The following CLYBL variants were observed in gnomAD, a reference collection of about 807,000 sequenced individuals.
CLYBL encodes citramalyl-CoA lyase, mitochondrial.
Under a neutral mutation model 38.9 loss-of-function variants are expected in CLYBL, and 31 were observed. The observed-to-expected ratio is 0.80, with a 90% confidence interval of 0.60 to 1.08. The LOEUF (loss-of-function observed/expected upper bound fraction) is 1.08, where lower values mean the gene tolerates loss of function less well. Ranked by LOEUF, CLYBL falls within the 50% of genes least tolerant of loss-of-function variation. CLYBL has a pLI of 0.00. For missense variants in CLYBL, 434 were observed against 411.6 expected (o/e 1.05, Z -0.47); for synonymous variants, 171 against 158.6 (o/e 1.08, Z -0.59).
Position 99,881,362 on chromosome 13 carries a change from G to T in CLYBL, c.928-9956G>T, listed in dbSNP as rs114668310. ...ATCACTACAATTTAAAGTGTAAAAA[G>T]ATGAAAAACACGTTCTATACTTTCT... On this transcript the variant is annotated intron_variant, in intron 7 of 8. Coordinates refer to ENST00000339105, the MANE Select transcript of CLYBL (RefSeq NM_206808.5). Among the ~76,000 whole-genome samples, 396 of 152,232 alleles carry T rather than the reference G, an allele frequency of 2.6e-3. 1 individual carries two copies. Among genetic ancestry groups the T allele is most frequent in the African/African-American group, 9.0e-3 (372 of 41,540 alleles).
intron 1 of CLYBL, among the ~76,000 whole-genome samples, chr13:99,609,854 C>T (rs1199147036): frequency 1.3e-5 from 2 of 152,174 alleles, no homozygotes; most frequent in African/African-American, 4.8e-5. Context: ...TACTTTCTAT[C>T]TCTTCATTGA....
intron 2 of CLYBL, among the ~76,000 whole-genome samples, chr13:99,787,676 G>A (rs1332118581): frequency 5.9e-5 from 9 of 152,248 alleles, no homozygotes; most frequent in East Asian, 1.9e-4. Flanking sequence ...TTGACTTGGC[G>A]ATGCGGATTC....
chr13:99,662,043 C>T (rs1311007405), intron 1 of CLYBL, among the ~76,000 whole-genome samples: 3 of 152,118 alleles, frequency 2.0e-5, no homozygotes, highest in Non-Finnish European at 4.4e-5. Context: ...TATTGGGAGA[C>T]CAATCAGTGC....
intron 1 of CLYBL, among the ~76,000 whole-genome samples, chr13:99,684,846 A>G (rs560262071): frequency 9.2e-5 from 14 of 152,380 alleles, no homozygotes; most frequent in Admixed American, 3.3e-4. Flanking sequence ...ACTGTATTGT[A>G]TGTTCCTGTT....
At chr13:99,818,291 T>A (rs543654325) in intron 2 of CLYBL, among the ~76,000 whole-genome samples, 4 of 152,288 alleles carry the variant, frequency 2.6e-5, no homozygotes, top group African/African-American at 9.6e-5. Context: ...AAAGGATGTT[T>A]ACTACTTCTA....
At chr13:99,721,051 T>C (rs186234074) in intron 1 of CLYBL, among the ~76,000 whole-genome samples, 131 of 151,934 alleles carry the variant, frequency 8.6e-4, no homozygotes, top group East Asian at 3.7e-3. Context: ...TTTTTTTTTT[T>C]TTTCTTTTTG....
chr13:99,795,444 A>G (rs2050002056), intron 2 of CLYBL, among the ~76,000 whole-genome samples: 1 of 152,166 alleles, frequency 6.6e-6, no homozygotes, highest in African/African-American at 2.4e-5. Context: ...ACTTGAGGCC[A>G]GGAGTTCAAG....
At chr13:99,738,175 G>A (rs144186063) in intron 1 of CLYBL, among the ~76,000 whole-genome samples, 10 of 152,244 alleles carry the variant, frequency 6.6e-5, no homozygotes, top group East Asian at 3.9e-4. Flanking sequence ...TTAAACCTTC[G>A]TGATTCATGT....
chr13:99,794,125 C>T (rs577571360), intron 2 of CLYBL, among the ~76,000 whole-genome samples: 10 of 152,264 alleles, frequency 6.6e-5, no homozygotes, highest in South Asian at 4.1e-4. Flanking sequence ...CTGTGACTAA[C>T]GAATCAAATA....
chr13:99,781,139 TATTTTTA>T (rs1209533370), intron 2 of CLYBL, among the ~76,000 whole-genome samples: 2 of 149,958 alleles, frequency 1.3e-5, no homozygotes, highest in Non-Finnish European at 3.0e-5. Flanking sequence ...AATATATATA[TATTTTTA>T]AATTTTTTAT....
chr13:99,869,622 ATAT>A lies in CLYBL; in HGVS notation c.803-1309_803-1307del, dbSNP rs2051833796. On this transcript the variant is annotated intron_variant, in intron 6 of 8. Coordinates refer to ENST00000339105, the MANE Select transcript of CLYBL (RefSeq NM_206808.5). This position sits in a 1 kb window ranked among gnomAD's most constrained non-coding sequence, Gnocchi z 4.3. ...TTAATTATGCCATTGGAAAGAAAAG[ATAT>A]TATTATATTTATCCACTTAAACTCT... Among the ~76,000 whole-genome samples, 1 of 152,162 alleles carries A rather than the reference ATAT, an allele frequency of 6.6e-6. No individual in the cohort carries two copies. Among genetic ancestry groups the A allele is most frequent in the African/African-American group, 2.4e-5 (1 of 41,458 alleles).
At chr13:99,661,939 G>C (rs1168037847) in intron 1 of CLYBL, among the ~76,000 whole-genome samples, 2 of 152,140 alleles carry the variant, frequency 1.3e-5, no homozygotes, top group Non-Finnish European at 2.9e-5. Context: ...TCATCCCTTT[G>C]TTTCAGGCCC....
chr13:99,719,546 G>A (rs887917230), intron 1 of CLYBL, among the ~76,000 whole-genome samples: 2 of 151,310 alleles, frequency 1.3e-5, no homozygotes, highest in Non-Finnish European at 2.9e-5. Flanking sequence ...TGCTCTTGTT[G>A]CCCAGGCTGG....
chr13:99,782,882 C>G (rs2049688835), intron 2 of CLYBL, among the ~76,000 whole-genome samples: 1 of 151,944 alleles, frequency 6.6e-6, no homozygotes, highest in Admixed American at 6.6e-5. Flanking sequence ...AAACTTCATT[C>G]TATCCTCCTT....
intron 2 of CLYBL, among the ~76,000 whole-genome samples, chr13:99,841,398 T>C (rs11423509): frequency 4.3e-5 from 1 of 23,492 alleles, no homozygotes; most frequent in South Asian, 8.9e-4. Context: ...TACATACTTT[T>C]TTTTTTTATT....
Position 99,904,289 on chromosome 13 carries a change from C to G in CLYBL, c.*25-981C>G, listed in dbSNP as rs2052671974. 3.3e-5 allele frequency among the ~76,000 whole-genome samples: 5 copies of G among 152,196 alleles called. No individual in the cohort carries two copies. In the South Asian group the frequency reaches 1.0e-3, roughly 32 times the overall value. ...AAAAGAGAAACAGCCAGACAGAACT[C>G]CCAGACCTCGAAAGGCGAAATGTGG... On this transcript the variant is annotated intron_variant and NMD_transcript_variant, in intron 8 of 9. Transcript: ENST00000689673.
chr13:99,693,915 A>G (rs538974190), intron 1 of CLYBL, among the ~76,000 whole-genome samples: 8 of 152,312 alleles, frequency 5.3e-5, no homozygotes, highest in African/African-American at 7.2e-5. Flanking sequence ...GCTGGCCCCT[A>G]CTGAATTGGC....
At chr13:99,708,889 T>C (rs1392346140) in intron 1 of CLYBL, among the ~76,000 whole-genome samples, 1 of 152,070 alleles carries the variant, frequency 6.6e-6, no homozygotes, top group Non-Finnish European at 1.5e-5. Context: ...GGGCAGGAGT[T>C]CGAGATCAGC....
chr13:99,636,922 C>T (rs190890204), intron 1 of CLYBL, among the ~76,000 whole-genome samples: 6 of 152,180 alleles, frequency 3.9e-5, no homozygotes, highest in East Asian at 1.9e-4. Context: ...TCGCCCAGGT[C>T]GGAGTGCAGT....
Sources: allele counts gnomAD v4.1 joint callset (sites outside exome capture counted in the v4.1 genomes callset), GRCh38; gene constraint gnomAD v4.1.1; non-coding constraint Gnocchi (gnomAD v3.1); transcripts MANE v1.5; gene names NCBI Gene and HGNC (gene_info 2026-07-23, HGNC 2026-07-21).